Variants in SH3GL2 observed in about 807,000 individuals in gnomAD.
The protein encoded by SH3GL2 is endophilin-A1.
Under a neutral mutation model 46.0 loss-of-function variants are expected in SH3GL2, and 24 were observed. That is an observed-to-expected ratio of 0.52 (90% CI 0.38 to 0.73). SH3GL2 has a LOEUF of 0.73. Ranked by LOEUF, SH3GL2 falls within the 30% of genes least tolerant of loss-of-function variation. The pLI, the probability that SH3GL2 is intolerant of heterozygous loss-of-function variation, is 0.00. For missense variants in SH3GL2, 413 were observed against 424.2 expected (o/e 0.97, Z 0.23); for synonymous variants, 196 against 147.1 (o/e 1.33, Z -2.40).
intron 1 of SH3GL2, among the ~76,000 whole-genome samples, chr9:17,631,350 G>A (rs750492976): frequency 1.3e-5 from 2 of 152,182 alleles, no homozygotes; most frequent in Non-Finnish European, 2.9e-5. Context: ...CCACAGTGTA[G>A]TGTTCTGACA....
At chr9:17,719,491 T>C (rs1363415027) in intron 1 of SH3GL2, among the ~76,000 whole-genome samples, 1 of 152,076 alleles carries the variant, frequency 6.6e-6, no homozygotes, top group Admixed American at 6.6e-5. Context: ...TCTCAGTACC[T>C]TTGAAAGTTT....
intron 1 of SH3GL2, among the ~76,000 whole-genome samples, chr9:17,744,369 A>AT (rs10671259): frequency 0.045 from 6,443 of 144,326 alleles, 305 homozygotes; most frequent in African/African-American, 0.12. Flanking sequence ...GGCACTTGAA[A>AT]TTTTTTTTTT....
chr9:17,612,687 G>A (rs1017063491), intron 1 of SH3GL2, among the ~76,000 whole-genome samples: 1 of 152,158 alleles, frequency 6.6e-6, no homozygotes, highest in Non-Finnish European at 1.5e-5. Context: ...ATACCATGCA[G>A]TTCACCTATT....
chr9:17,742,906 C>T (rs918800158), intron 1 of SH3GL2, among the ~76,000 whole-genome samples: 31 of 151,634 alleles, frequency 2.0e-4, no homozygotes, highest in Non-Finnish European at 3.7e-4. Flanking sequence ...CTGTTTGATT[C>T]GCATATCTTT....
intron 1 of SH3GL2, among the ~76,000 whole-genome samples, chr9:17,687,841 C>G (rs979878980): frequency 2.2e-4 from 34 of 152,182 alleles, no homozygotes; most frequent in African/African-American, 8.2e-4. Flanking sequence ...CACTTATTAT[C>G]TGAGGCATAC....
At chr9:17,746,787 G>C (rs1194244224) in intron 1 of SH3GL2, among the ~76,000 whole-genome samples, 1 of 152,182 alleles carries the variant, frequency 6.6e-6, no homozygotes, top group African/African-American at 2.4e-5. Flanking sequence ...GGATTAGGTA[G>C]TTATATAATG....
intron 3 of SH3GL2, among the ~76,000 whole-genome samples, chr9:17,772,144 A>T (rs1300837927): frequency 2.0e-5 from 3 of 152,192 alleles, no homozygotes. Context: ...ATAATATGCA[A>T]TAATCACATG....
At chr9:17,662,256 A>G (rs1366080684) in intron 1 of SH3GL2, among the ~76,000 whole-genome samples, 1 of 152,168 alleles carries the variant, frequency 6.6e-6, no homozygotes, top group Non-Finnish European at 1.5e-5. Context: ...CCATGATGAG[A>G]TGAGTTTTTA....
intron 1 of SH3GL2, among the ~76,000 whole-genome samples, chr9:17,611,949 C>A (rs909902879): frequency 1.3e-5 from 2 of 152,156 alleles, no homozygotes; most frequent in African/African-American, 4.8e-5. Context: ...TCTGTAAGCT[C>A]TTTTTGTGTG....
intron 1 of SH3GL2, among the ~76,000 whole-genome samples, chr9:17,667,217 A>C (rs922189838): frequency 6.6e-6 from 1 of 152,140 alleles, no homozygotes; most frequent in East Asian, 1.9e-4. Context: ...TTGGGATATA[A>C]TTCACATACC....
intron 1 of SH3GL2, among the ~76,000 whole-genome samples, chr9:17,610,824 A>G (rs527521652): frequency 6.6e-6 from 1 of 152,314 alleles, no homozygotes; most frequent in South Asian, 2.1e-4. Context: ...GTGCCCCCTC[A>G]AAATGAGAGT....
In SH3GL2 at chr9:17,789,541, G is replaced by A; in HGVS notation, c.615G>A (p.Leu205=). Residue 205 remains leucine (L), a synonymous_variant, in exon 6 of 9, where the codon TTG becomes TTA. Transcript: ENST00000380607. ...CTGAGTCAAGCATGTTCAATCTCTTGGAGATGGATGTAAGTGACTCCTGTG... is the reference window on the plus strand; with the variant it reads ...CTGAGTCAAGCATGTTCAATCTCTTAGAGATGGATGTAAGTGACTCCTGTG... The part of the protein sequence containing the change: ...EIAESSMFNL[L]EMDIEQVSQL... 1.2e-6 allele frequency: 2 copies of A among 1,613,284 alleles called. No homozygotes were observed. The highest frequency in any genetic ancestry group is 1.1e-5 in the South Asian group (1 of 91,060).
intron 3 of SH3GL2, among the ~76,000 whole-genome samples, chr9:17,773,144 T>C (rs1823539028): frequency 6.6e-6 from 1 of 152,158 alleles, no homozygotes; most frequent in Admixed American, 6.5e-5. Flanking sequence ...TTTGGGGAAA[T>C]GTCAATTCAA....
chr9:17,663,421 C>T (rs1342190944), intron 1 of SH3GL2, among the ~76,000 whole-genome samples: 2 of 152,116 alleles, frequency 1.3e-5, no homozygotes, highest in African/African-American at 4.8e-5. Flanking sequence ...ACTGGTTTGG[C>T]CATTATGCAT....
chr9:17,732,825 T>A (rs1822219749), intron 1 of SH3GL2, among the ~76,000 whole-genome samples: 1 of 152,128 alleles, frequency 6.6e-6, no homozygotes. Context: ...AAGCAAATTT[T>A]AAAAAATTTA....
intron 1 of SH3GL2, among the ~76,000 whole-genome samples, chr9:17,586,113 C>T (rs1434952225): frequency 1.3e-5 from 2 of 152,188 alleles, no homozygotes; most frequent in Non-Finnish European, 1.5e-5. Context: ...AAATCATTAG[C>T]TGATGACAAA....
At chr9:17,704,156 C>G (rs1019199230) in intron 1 of SH3GL2, among the ~76,000 whole-genome samples, 2 of 150,900 alleles carry the variant, frequency 1.3e-5, no homozygotes, top group African/African-American at 5.0e-5. Flanking sequence ...ATCATCCAAG[C>G]TGAGAGCCAA....
At chr9:17,608,989 C>T (rs531203926) in intron 1 of SH3GL2, among the ~76,000 whole-genome samples, 11 of 152,290 alleles carry the variant, frequency 7.2e-5, no homozygotes, top group East Asian at 3.9e-4. Context: ...ACAGGTGATC[C>T]GCTCTTTCAC....
At chr9:17,660,564 ATGTAG>A (rs1272034489) in intron 1 of SH3GL2, among the ~76,000 whole-genome samples, 2 of 152,182 alleles carry the variant, frequency 1.3e-5, no homozygotes, top group Non-Finnish European at 2.9e-5. Context: ...GCTGCTGATG[ATGTAG>A]TGAAGAGAAA....
Sources: gnomAD v4.1 joint callset for allele counts (sites outside exome capture counted in the v4.1 genomes callset) on GRCh38, gnomAD v4.1.1 for gene constraint, MANE v1.5 for transcripts, NCBI Gene and HGNC (gene_info 2026-07-23, HGNC 2026-07-21) for gene names.